IQCM: variants seen among roughly 807,000 people sequenced by gnomAD.
The protein encoded by IQCM is IQ motif containing M, also known as IQ domain-containing protein M.
A neutral mutation model predicts 57.6 loss-of-function variants in IQCM; 45 were observed. The ratio of observed to expected loss-of-function variants is 0.78; its 90% CI spans 0.62 to 1.00. The LOEUF (loss-of-function observed/expected upper bound fraction) is 1.00, where lower values mean the gene tolerates loss of function less well. IQCM is among the 50% of genes least tolerant of loss of function. The pLI, the probability that IQCM is intolerant of heterozygous loss-of-function variation, is 0.00. For synonymous variants in IQCM, 148 were observed against 158.9 expected (o/e 0.93, Z 0.51); for missense variants, 468 against 511.6 (o/e 0.91, Z 0.82).
intron 2 of IQCM, among the ~76,000 whole-genome samples, chr4:149,752,223 C>T (rs1172885686): frequency 6.6e-6 from 1 of 152,030 alleles, no homozygotes; most frequent in Non-Finnish European, 1.5e-5. Context: ...CATTGAGTAA[C>T]TATTATCAAA....
intron 13 of IQCM, among the ~76,000 whole-genome samples, chr4:149,374,931 G>A (rs1273507711): frequency 1.3e-5 from 2 of 151,722 alleles, no homozygotes; most frequent in East Asian, 3.9e-4. Flanking sequence ...TAGAGGACAA[G>A]ATTATGCCAA....
intron 12 of IQCM, among the ~76,000 whole-genome samples, chr4:149,545,589 A>G (rs1339208562): frequency 2.0e-5 from 3 of 152,178 alleles, no homozygotes; most frequent in Non-Finnish European, 4.4e-5. Flanking sequence ...CATTGTTGGT[A>G]GAATATAGAT....
chr4:149,660,069 T>G (rs908867500), intron 7 of IQCM, among the ~76,000 whole-genome samples: 4 of 151,214 alleles, frequency 2.6e-5, no homozygotes, highest in Non-Finnish European at 5.9e-5. Flanking sequence ...AGAAAATTTT[T>G]GCAACCTACT....
intron 7 of IQCM, among the ~76,000 whole-genome samples, chr4:149,667,435 A>T (rs1760835167): frequency 6.6e-6 from 1 of 152,178 alleles, no homozygotes; most frequent in Non-Finnish European, 1.5e-5. Context: ...GGTCACCAAC[A>T]GCAAAGAGGA....
intron 2 of IQCM, among the ~76,000 whole-genome samples, chr4:149,802,183 T>C (rs1023893480): frequency 2.6e-5 from 4 of 151,274 alleles, no homozygotes; most frequent in Admixed American, 6.6e-5. Flanking sequence ...GCAAAACTAG[T>C]CCCCTAGGAT....
chr4:149,485,924 C>T lies in IQCM; in HGVS notation c.1229-52367G>A, dbSNP rs1741428625. On this transcript the variant is annotated intron_variant, in intron 12 of 13. Coordinates refer to ENST00000636793, the MANE Select transcript of IQCM (RefSeq NM_001363507.2). ...TTTTTGCATACTCATAGAAGTATCA[C>T]CTTGGTGGACTTGGATAAGATCCAG... 2.0e-5 allele frequency among the ~76,000 whole-genome samples: 3 copies of T among 152,090 alleles called. No individual in the cohort carries two copies. In the South Asian group the frequency reaches 6.2e-4, roughly 32 times the overall value.
At chr4:149,487,397 G>A (rs989376467) in intron 12 of IQCM, among the ~76,000 whole-genome samples, 9 of 152,166 alleles carry the variant, frequency 5.9e-5, no homozygotes, top group African/African-American at 2.2e-4. Context: ...CTGGGATTGG[G>A]GGAGAGATGG....
At chr4:149,763,202 A>G (rs1256364492) in intron 2 of IQCM, among the ~76,000 whole-genome samples, 1 of 152,056 alleles carries the variant, frequency 6.6e-6, no homozygotes, top group Admixed American at 6.6e-5. Context: ...TATTATACCA[A>G]CTAGTGTACA....
At chr4:149,507,564 C>A (rs780250480) in intron 12 of IQCM, among the ~76,000 whole-genome samples, 1 of 152,096 alleles carries the variant, frequency 6.6e-6, no homozygotes, top group Non-Finnish European at 1.5e-5. Context: ...ATTTGTGGAA[C>A]TTTGAACTTG....
chr4:149,387,802 C>T (rs1002545448), intron 13 of IQCM, among the ~76,000 whole-genome samples: 2 of 151,718 alleles, frequency 1.3e-5, no homozygotes, highest in African/African-American at 4.8e-5. Context: ...TTTTCAACAC[C>T]CACCCTCCCA....
chr4:149,583,429 T>G (rs1752385509), intron 9 of IQCM, among the ~76,000 whole-genome samples: 1 of 151,598 alleles, frequency 6.6e-6, no homozygotes, highest in Non-Finnish European at 1.5e-5. Flanking sequence ...ATGCTTTTCC[T>G]CTATGAATTA....
intron 13 of IQCM, among the ~76,000 whole-genome samples, chr4:149,375,576 T>C (rs1268216700): frequency 6.6e-6 from 1 of 152,218 alleles, no homozygotes; most frequent in Non-Finnish European, 1.5e-5. Context: ...TTTGAAAAAT[T>C]AATCAGGTTA....
intron 13 of IQCM, among the ~76,000 whole-genome samples, chr4:149,401,215 C>T (rs1255451341): frequency 6.6e-6 from 1 of 151,644 alleles, no homozygotes; most frequent in Non-Finnish European, 1.5e-5. Flanking sequence ...AAGGCAGATG[C>T]AAAGCAAATA....
chr4:149,434,763 G>C (rs1735190503), intron 12 of IQCM, among the ~76,000 whole-genome samples: 1 of 152,026 alleles, frequency 6.6e-6, no homozygotes, highest in Admixed American at 6.6e-5. Context: ...GAGAACTAGA[G>C]GATGAATGGG....
At chr4:149,424,809 C>T (rs982507778) in intron 13 of IQCM, among the ~76,000 whole-genome samples, 66 of 151,906 alleles carry the variant, frequency 4.3e-4, no homozygotes, top group African/African-American at 8.5e-4. Context: ...CACTACAATG[C>T]TGTAATTATC....
intron 12 of IQCM, among the ~76,000 whole-genome samples, chr4:149,538,657 G>C (rs552648107): frequency 6.6e-6 from 1 of 151,708 alleles, no homozygotes; most frequent in Admixed American, 6.6e-5. Flanking sequence ...TTGCAAATAG[G>C]CTGAAAGAAA....
At chr4:149,717,673 A>G (rs997182269) in intron 5 of IQCM, among the ~76,000 whole-genome samples, 13 of 152,212 alleles carry the variant, frequency 8.5e-5, no homozygotes, top group African/African-American at 2.9e-4. Context: ...GGTTAAAGTA[A>G]TACAAATGTT....
intron 7 of IQCM, among the ~76,000 whole-genome samples, chr4:149,630,805 A>G (rs1361307508): frequency 6.6e-6 from 1 of 152,210 alleles, no homozygotes; most frequent in Admixed American, 6.5e-5. Flanking sequence ...GTGACTAAAG[A>G]TTAACAAAAT....
intron 11 of IQCM, among the ~76,000 whole-genome samples, chr4:149,552,842 T>C (rs998180071): frequency 5.9e-5 from 9 of 152,362 alleles, no homozygotes; most frequent in African/African-American, 2.2e-4. Context: ...TCCTGCTCCC[T>C]AGATCTCTGA....
Sources: gnomAD v4.1 joint callset for allele counts (sites outside exome capture counted in the v4.1 genomes callset) on GRCh38, gnomAD v4.1.1 for gene constraint, MANE v1.5 for transcripts, NCBI Gene and HGNC (gene_info 2026-07-23, HGNC 2026-07-21) for gene names.